KCNH7: variants seen among roughly 807,000 people sequenced by gnomAD.
KCNH7 encodes the protein potassium voltage-gated channel subfamily H member 7.
In KCNH7, 49 loss-of-function variants were observed where a neutral mutation model predicts 120.8. The observed-to-expected ratio is 0.41, with a 90% CI of 0.32 to 0.51. KCNH7 has a LOEUF of 0.51. Among genes scored for constraint, KCNH7 ranks in the 20% least tolerant of loss-of-function variants. The pLI, the probability that KCNH7 is intolerant of heterozygous loss-of-function variation, is 0.38. For synonymous variants in KCNH7, 547 were observed against 516.1 expected (o/e 1.06, Z -0.81); for missense variants, 1,097 against 1,446.6 (o/e 0.76, Z 3.92).
At chr2:162,728,426 C>A (rs1272891440) in intron 2 of KCNH7, among the ~76,000 whole-genome samples, 2 of 151,890 alleles carry the variant, frequency 1.3e-5, no homozygotes, top group Non-Finnish European at 2.9e-5. Flanking sequence ...ATATTTTTCC[C>A]AGTAGGTGTC....
intron 9 of KCNH7, among the ~76,000 whole-genome samples, chr2:162,413,770 GATA>G (rs1312948920): frequency 6.6e-6 from 1 of 150,906 alleles, no homozygotes; most frequent in Non-Finnish European, 1.5e-5. Context: ...TGACCAATTA[GATA>G]ATATTAAAAA....
intron 2 of KCNH7, among the ~76,000 whole-genome samples, chr2:162,621,127 A>T (rs1011719134): frequency 1.3e-5 from 2 of 151,530 alleles, no homozygotes; most frequent in African/African-American, 4.8e-5. Context: ...CAATTTTCTT[A>T]GTTGTCTATA....
intron 2 of KCNH7, among the ~76,000 whole-genome samples, chr2:162,649,909 C>A (rs138896789): frequency 6.6e-6 from 1 of 152,202 alleles, no homozygotes; most frequent in Non-Finnish European, 1.5e-5. Flanking sequence ...GCATGTGATA[C>A]TCATATAAGA....
intron 2 of KCNH7, among the ~76,000 whole-genome samples, chr2:162,627,526 T>A (rs1176774013): frequency 6.6e-6 from 1 of 152,210 alleles, no homozygotes; most frequent in Non-Finnish European, 1.5e-5. Context: ...AACACATAGT[T>A]CACAGTCAAT....
intron 6 of KCNH7, among the ~76,000 whole-genome samples, chr2:162,500,573 G>A (rs1422456241): frequency 6.6e-6 from 1 of 151,864 alleles, no homozygotes; most frequent in African/African-American, 2.4e-5. Flanking sequence ...CAGAACAACA[G>A]GAGCAGCGAT....
At chr2:162,428,880 T>C (rs1687960995) in intron 8 of KCNH7, among the ~76,000 whole-genome samples, 3 of 151,892 alleles carry the variant, frequency 2.0e-5, no homozygotes, top group Admixed American at 2.0e-4. Context: ...TAATTTTTTT[T>C]ACTCTTTATA....
chr2:162,385,839 C>T (rs932516843), intron 12 of KCNH7, among the ~76,000 whole-genome samples: 16 of 151,784 alleles, frequency 1.1e-4, no homozygotes, highest in African/African-American at 2.4e-4. Context: ...CCAAATGAAC[C>T]GATGGAAGGC....
intron 2 of KCNH7, among the ~76,000 whole-genome samples, chr2:162,618,668 TTA>T (rs1192049578): frequency 9.2e-5 from 14 of 152,300 alleles, no homozygotes; most frequent in African/African-American, 3.1e-4. Context: ...CTCTACAAAT[TTA>T]TGTTTATTGT....
At chr2:162,614,007 A>G (rs538109350) in intron 2 of KCNH7, among the ~76,000 whole-genome samples, 1 of 152,084 alleles carries the variant, frequency 6.6e-6, no homozygotes, top group South Asian at 2.1e-4. Flanking sequence ...GTACAAAGAA[A>G]CTGAGCCTCT....
intron 2 of KCNH7, among the ~76,000 whole-genome samples, chr2:162,538,303 A>G (rs1692181533): frequency 6.6e-6 from 1 of 152,036 alleles, no homozygotes; most frequent in Non-Finnish European, 1.5e-5. Context: ...AATTCTTCCA[A>G]TGTGGCCCAG....
At chr2:162,634,249 T>C (rs971981558) in intron 2 of KCNH7, among the ~76,000 whole-genome samples, 1 of 152,022 alleles carries the variant, frequency 6.6e-6, no homozygotes, top group African/African-American at 2.4e-5. Flanking sequence ...TAAATACCAG[T>C]CTCTGTGCTA....
At chr2:162,466,515 T>A (rs1689309198) in intron 6 of KCNH7, among the ~76,000 whole-genome samples, 1 of 152,064 alleles carries the variant, frequency 6.6e-6, no homozygotes. Context: ...AGGGTAACCA[T>A]GTGGGGATTA....
chr2:162,644,850 T>C (rs771342632), intron 2 of KCNH7, among the ~76,000 whole-genome samples: 10 of 152,166 alleles, frequency 6.6e-5, no homozygotes, highest in Non-Finnish European at 1.2e-4. Flanking sequence ...TTTAACACAC[T>C]GCTTCATTAA....
chr2:162,836,741 T>C lies in KCNH7; in HGVS notation c.103A>G (p.Arg35Gly). Residue 35 changes from arginine (R) to glycine (G), a missense_variant, in exon 2 of 16, where the codon AGA (arginine) becomes GGA (glycine). By Grantham distance (125) the Arg-to-Gly change is moderately radical (BLOSUM62 -2). Transcript: ENST00000332142. ...TAAATGATGGCACAGTTCTGCACTC[T>C]GGCATTTGCAATGATAAATTTTTTA... Reference protein sequence around the residue: ...QNKKFIIANARVQNCAIIYCN... With the variant: ...QNKKFIIANAGVQNCAIIYCN... 1 of 1,613,854 alleles carries C rather than the reference T, an allele frequency of 6.2e-7. No homozygotes were observed. The highest frequency in any genetic ancestry group is 8.5e-7 in the Non-Finnish European group (1 of 1,179,792).
chr2:162,469,991 A>G (rs1689448107), intron 6 of KCNH7, among the ~76,000 whole-genome samples: 1 of 152,160 alleles, frequency 6.6e-6, no homozygotes, highest in Admixed American at 6.5e-5. Flanking sequence ...TTGCAGACGG[A>G]GTCTCGTTCA....
intron 2 of KCNH7, among the ~76,000 whole-genome samples, chr2:162,677,669 T>C (rs1559077396): frequency 6.6e-6 from 1 of 151,552 alleles, no homozygotes; most frequent in Non-Finnish European, 1.5e-5. Flanking sequence ...GCAGACATAT[T>C]ATGCATTTCA....
chr2:162,429,587 A>AT (rs1688000241), intron 8 of KCNH7, among the ~76,000 whole-genome samples: 2 of 151,030 alleles, frequency 1.3e-5, no homozygotes, highest in South Asian at 4.2e-4. Flanking sequence ...ATGTTGAGAG[A>AT]TTTTGTTTTT....
chr2:162,543,926 G>T (rs1399699483), intron 2 of KCNH7, among the ~76,000 whole-genome samples: 2 of 152,142 alleles, frequency 1.3e-5, no homozygotes, highest in South Asian at 4.1e-4. Context: ...TTAAAAAAGT[G>T]AGTAAACTTT....
chr2:162,512,719 A>G (rs979741860), intron 4 of KCNH7, 45 bp from the exon 5 acceptor site: 1 of 1,489,780 alleles, frequency 6.7e-7, no homozygotes, highest in Non-Finnish European at 9.3e-7. Context: ...TATAAAAAGA[A>G]GACTAAAATT....
Sources: allele counts gnomAD v4.1 joint callset (sites outside exome capture counted in the v4.1 genomes callset), GRCh38; gene constraint gnomAD v4.1.1; transcripts MANE v1.5; gene names NCBI Gene and HGNC (gene_info 2026-07-23, HGNC 2026-07-21).